The following KCNQ5 variants were observed in gnomAD, a reference collection of about 807,000 sequenced individuals.
KCNQ5 encodes potassium voltage-gated channel subfamily KQT member 5.
In KCNQ5, 30 loss-of-function variants were observed where a neutral mutation model predicts 98.2. The observed-to-expected ratio is 0.31, with a 90% confidence interval of 0.23 to 0.41. The LOEUF is 0.41. KCNQ5 is among the 10% of genes least tolerant of loss of function. The pLI is 1.00. For synonymous variants in KCNQ5, 458 were observed against 449.4 expected (o/e 1.02, Z -0.24); for missense variants, 835 against 1,182.5 (o/e 0.71, Z 4.31).
intron 1 of KCNQ5, among the ~76,000 whole-genome samples, chr6:72,789,086 A>G (rs1773899632): frequency 1.3e-5 from 2 of 152,158 alleles, no homozygotes; most frequent in Admixed American, 1.3e-4. Flanking sequence ...TCCAGATGAT[A>G]CCAATGTGTA....
intron 1 of KCNQ5, among the ~76,000 whole-genome samples, chr6:72,751,452 A>G (rs1289583513): frequency 1.3e-5 from 2 of 152,122 alleles, no homozygotes; most frequent in African/African-American, 2.4e-5. Flanking sequence ...ATTTTTTGTC[A>G]TTAGGTAAAA....
chr6:73,146,225 T>A (rs1425087332), intron 10 of KCNQ5, among the ~76,000 whole-genome samples: 1 of 152,218 alleles, frequency 6.6e-6, no homozygotes, highest in Non-Finnish European at 1.5e-5. Context: ...AGGAAACAGA[T>A]CTCGTTCTTG....
chr6:73,014,839 C>T (rs1770247473), intron 2 of KCNQ5, among the ~76,000 whole-genome samples: 1 of 151,712 alleles, frequency 6.6e-6, no homozygotes, highest in South Asian at 2.1e-4. Context: ...TAAATATTCA[C>T]TATATATATA....
chr6:72,756,677 G>A (rs1477498107), intron 1 of KCNQ5, among the ~76,000 whole-genome samples: 1 of 151,946 alleles, frequency 6.6e-6, no homozygotes, highest in Non-Finnish European at 1.5e-5. Context: ...AGATATTTGG[G>A]GGTGATGGTA....
At chr6:72,852,640 A>AATAAATAAATATATATATATAT (rs1026407821) in intron 1 of KCNQ5, among the ~76,000 whole-genome samples, 74 of 56,790 alleles carry the variant, frequency 1.3e-3, no homozygotes, top group Middle Eastern at 0.011. Flanking sequence ...ATGAAGGGGA[A>AATAAATAAATATATATATATAT]ATATATATAT....
intron 1 of KCNQ5, among the ~76,000 whole-genome samples, chr6:72,690,697 C>T (rs995827886): frequency 1.3e-5 from 2 of 151,252 alleles, no homozygotes; most frequent in Admixed American, 6.6e-5. Context: ...GCCCATGCCT[C>T]CTGAAATCTG....
chr6:73,149,951 T>C (rs1777084486), intron 10 of KCNQ5, among the ~76,000 whole-genome samples: 1 of 150,972 alleles, frequency 6.6e-6, no homozygotes, highest in South Asian at 2.1e-4. Context: ...AGAGAAAATA[T>C]GTACAAATGA....
At chr6:73,052,736 A>G (rs1399282095) in intron 3 of KCNQ5, among the ~76,000 whole-genome samples, 1 of 152,258 alleles carries the variant, frequency 6.6e-6, no homozygotes, top group Non-Finnish European at 1.5e-5. Context: ...GGTCCTAAAG[A>G]GAGTGTTAAA....
chr6:72,723,678 G>A (rs1770099280), intron 1 of KCNQ5, among the ~76,000 whole-genome samples: 1 of 150,372 alleles, frequency 6.7e-6, no homozygotes, highest in Non-Finnish European at 1.5e-5. Context: ...TTCATCACAG[G>A]TGATCATATA....
At chr6:72,645,562 A>G (rs1471541303) in intron 1 of KCNQ5, among the ~76,000 whole-genome samples, 3 of 152,134 alleles carry the variant, frequency 2.0e-5, no homozygotes, top group Non-Finnish European at 4.4e-5. Context: ...TGGTATGGAA[A>G]TTCTCTTCAG....
chr6:72,648,934 G>A (rs1765740166), intron 1 of KCNQ5, among the ~76,000 whole-genome samples: 1 of 152,072 alleles, frequency 6.6e-6, no homozygotes, highest in Admixed American at 6.6e-5. Flanking sequence ...CTACCAAACT[G>A]GATGATACGG....
intron 1 of KCNQ5, among the ~76,000 whole-genome samples, chr6:73,003,535 G>C (rs1769682343): frequency 6.6e-6 from 1 of 152,150 alleles, no homozygotes; most frequent in Non-Finnish European, 1.5e-5. Flanking sequence ...AACGAAGAGT[G>C]ACTGCAGTGT....
chr6:72,860,324 G>A (rs1337183296), intron 1 of KCNQ5, among the ~76,000 whole-genome samples: 2 of 151,812 alleles, frequency 1.3e-5, no homozygotes, highest in South Asian at 4.2e-4. Flanking sequence ...ATTCCAATTC[G>A]GTTATTTCAA....
Position 72,623,435 on chromosome 6 carries a change from C to T in KCNQ5, c.398+848C>T, listed in dbSNP as rs2098916572. On this transcript the variant is annotated intron_variant, in intron 1 of 13. Transcript: ENST00000370398. ...GTGTGTGTGTGTGTGTGTAGTAAGC[C>T]TTCTCCATCTAGCAGAGAATGCTTA... 4.9e-5 allele frequency among the ~76,000 whole-genome samples: 4 copies of T among 81,888 alleles called. No homozygotes were observed. The South Asian group carries it at 1.5e-3, about 31-fold the overall frequency. 53.7% of individuals were successfully genotyped at this position (81,888 alleles called of 152,430 possible).
chr6:73,195,353 G>T lies in KCNQ5; in HGVS notation c.2738G>T (p.Ser913Ile). ...LRTGRSRSSQ[S>I]ICKAGESTDA... Reference sequence around the variant, plus strand: ...ACTGGAAGGTCACGATCATCTCAGAGCATTTGTAAGGCAGGAGAAAGTACA... The same window carrying T: ...ACTGGAAGGTCACGATCATCTCAGATCATTTGTAAGGCAGGAGAAAGTACA... Residue 913 changes from serine (S) to isoleucine (I), a missense_variant, in exon 14 of 14, where the codon AGC becomes ATC. Physicochemically the swap from Ser to Ile is moderately radical, Grantham distance 142. This residue lies in a region of KCNQ5 where 416 missense variants were observed against 446.9 expected (regional missense o/e 0.93). Transcript: ENST00000370398. 6.2e-7 allele frequency: 1 copy of T among 1,614,152 alleles called. No homozygotes were observed. Among genetic ancestry groups the T allele is most frequent in the East Asian group, 2.2e-5 (1 of 44,880 alleles).
intron 2 of KCNQ5, among the ~76,000 whole-genome samples, chr6:73,030,828 C>T (rs764820776): frequency 1.4e-4 from 21 of 152,172 alleles, no homozygotes; most frequent in Non-Finnish European, 2.2e-4. Flanking sequence ...AGCCATGATC[C>T]CAAAGGTTTC....
At chr6:73,099,036 C>G (rs1774645452) in intron 5 of KCNQ5, among the ~76,000 whole-genome samples, 1 of 152,016 alleles carries the variant, frequency 6.6e-6, no homozygotes, top group Admixed American at 6.6e-5. Flanking sequence ...CATTAATTTT[C>G]TTTTTGTTTA....
At chr6:73,004,492 G>A (rs1029522905) in intron 2 of KCNQ5, among the ~76,000 whole-genome samples, 19 of 152,302 alleles carry the variant, frequency 1.2e-4, no homozygotes, top group African/African-American at 4.6e-4. Context: ...TGCATTATGA[G>A]TTTTGCTGCT....
At chr6:72,840,041 C>T (rs1030614322) in intron 1 of KCNQ5, among the ~76,000 whole-genome samples, 5 of 152,176 alleles carry the variant, frequency 3.3e-5, no homozygotes, top group Non-Finnish European at 4.4e-5. Context: ...TACCAATCTA[C>T]TCTGTGTTTT....
Sources: gnomAD v4.1 joint callset for allele counts (sites outside exome capture counted in the v4.1 genomes callset) on GRCh38, gnomAD v4.1.1 for gene constraint, gnomAD v4.1.1 regional missense constraint, MANE v1.5 for transcripts, NCBI Gene and HGNC (gene_info 2026-07-23, HGNC 2026-07-21) for gene names.